The following ASIC2 variants were observed in gnomAD, a reference collection of about 807,000 sequenced individuals.
The protein encoded by ASIC2 is acid sensing ion channel subunit 2.
Under a neutral mutation model 57.3 loss-of-function variants are expected in ASIC2, and 25 were observed. The observed-to-expected ratio is 0.44, with a 90% CI of 0.32 to 0.61. The LOEUF is 0.61. Ranked by LOEUF, ASIC2 falls within the 20% of genes least tolerant of loss-of-function variation. The pLI is 0.06. For synonymous variants in ASIC2, 319 were observed against 307.5 expected (o/e 1.04, Z -0.39); for missense variants, 641 against 738.1 (o/e 0.87, Z 1.52).
rs529260640 is a variant in ASIC2 at position 34,053,225 on chromosome 17, A to C, written c.555+102753T>G. ...GCCTCTCTCTCAGGCTGGCGGCTCC[A>C]TTGTTATTATGATCGTATATTAAGT... On this transcript the variant is annotated intron_variant, in intron 1 of 9. Transcript: ENST00000359872. Among the ~76,000 whole-genome samples the C allele has an allele frequency of 6.8e-4, 103 of 152,140 alleles. 3 individuals are homozygous for C. Among genetic ancestry groups the C allele is most frequent in the African/African-American group, 2.4e-3 (99 of 41,496 alleles).
At chr17:33,256,085 TAAA>T (rs1567800675) in intron 1 of ASIC2, among the ~76,000 whole-genome samples, 1 of 152,166 alleles carries the variant, frequency 6.6e-6, no homozygotes, top group South Asian at 2.1e-4. Context: ...AGTGGTCACT[TAAA>T]AAAATACTTG....
At chr17:34,128,327 T>A (rs1313766138) in intron 1 of ASIC2, among the ~76,000 whole-genome samples, 2 of 152,138 alleles carry the variant, frequency 1.3e-5, no homozygotes, top group Admixed American at 1.3e-4. Context: ...GGACCCCAGG[T>A]GCAGGGAGCC....
chr17:33,752,557 T>C (rs1305678458), intron 1 of ASIC2, among the ~76,000 whole-genome samples: 1 of 152,240 alleles, frequency 6.6e-6, no homozygotes, highest in Non-Finnish European at 1.5e-5. Context: ...CCAATGATCT[T>C]AACAGACATC....
In ASIC2 at chr17:33,113,274, T is replaced by G. The variant is rs1397815192; in HGVS notation, c.709-1207A>C. On this transcript the variant is annotated intron_variant, in intron 1 of 9. Coordinates refer to ENST00000225823, the MANE Select transcript of ASIC2 (RefSeq NM_183377.2). Reference sequence around the variant, plus strand: ...TCTATAAAATGGGGGTTCTGGTCTTTGGCTTTGCTACCTCTCAAGGTTATT... The same window carrying G: ...TCTATAAAATGGGGGTTCTGGTCTTGGGCTTTGCTACCTCTCAAGGTTATT... Among the ~76,000 whole-genome samples the G allele has an allele frequency of 2.0e-5, 3 of 152,220 alleles. No homozygotes were observed. The East Asian group carries it at 5.8e-4, about 29-fold the overall frequency.
chr17:33,287,986 A>G (rs892823026), intron 1 of ASIC2, among the ~76,000 whole-genome samples: 19 of 152,304 alleles, frequency 1.2e-4, no homozygotes, highest in African/African-American at 4.6e-4. Flanking sequence ...AGGCTACACA[A>G]GACAACAGGG....
chr17:33,374,151 C>A (rs4131974), intron 1 of ASIC2, among the ~76,000 whole-genome samples: 44,945 of 151,712 alleles, frequency 0.3, 7,048 homozygotes, highest in East Asian at 0.67. Flanking sequence ...GCGCACCACC[C>A]AACCAAGCTA....
At chr17:33,943,653 T>C (rs1364750605) in intron 1 of ASIC2, among the ~76,000 whole-genome samples, 2 of 106,556 alleles carry the variant, frequency 1.9e-5, no homozygotes, top group Admixed American at 1.0e-4. Context: ...CGAGTGAAAA[T>C]ATAGGAGAAA....
At chr17:33,986,341 A>G (rs150379971) in intron 1 of ASIC2, among the ~76,000 whole-genome samples, 1 of 151,986 alleles carries the variant, frequency 6.6e-6, no homozygotes, top group East Asian at 1.9e-4. Flanking sequence ...TATAGTAAGC[A>G]TCATTCTCCA....
At chr17:33,719,693 C>G (rs1909329058) in intron 1 of ASIC2, among the ~76,000 whole-genome samples, 1 of 152,182 alleles carries the variant, frequency 6.6e-6, no homozygotes, top group African/African-American at 2.4e-5. Context: ...TGCAATAAGG[C>G]ACTGAGTCTT....
At chr17:33,450,331 T>C (rs1912200539) in intron 1 of ASIC2, among the ~76,000 whole-genome samples, 1 of 152,228 alleles carries the variant, frequency 6.6e-6, no homozygotes, top group Non-Finnish European at 1.5e-5. Context: ...TTTCTGGTTT[T>C]ATTTAGGTAT....
intron 1 of ASIC2, among the ~76,000 whole-genome samples, chr17:33,721,502 A>T (rs1005727211): frequency 9.2e-5 from 14 of 152,234 alleles, no homozygotes; most frequent in Non-Finnish European, 1.9e-4. Flanking sequence ...AGGTGGCCTC[A>T]TAAAATGATG....
chr17:33,635,539 G>A (rs1205075184), intron 1 of ASIC2, among the ~76,000 whole-genome samples: 1 of 152,220 alleles, frequency 6.6e-6, no homozygotes, highest in East Asian at 1.9e-4. Flanking sequence ...GTGGGAGATA[G>A]CATTTAATCT....
chr17:33,655,422 T>G (rs935063644), intron 1 of ASIC2, among the ~76,000 whole-genome samples: 2 of 152,224 alleles, frequency 1.3e-5, no homozygotes, highest in African/African-American at 4.8e-5. Context: ...CCTTCCTAGA[T>G]GTTGAAGAAT....
chr17:33,698,297 G>A (rs990613252), intron 1 of ASIC2, among the ~76,000 whole-genome samples: 4 of 152,152 alleles, frequency 2.6e-5, no homozygotes, highest in East Asian at 1.9e-4. Flanking sequence ...TACGCATCTC[G>A]GTACTTAAGA....
At chr17:34,086,295 T>TGC (rs1910110087) in intron 1 of ASIC2, among the ~76,000 whole-genome samples, 1 of 152,222 alleles carries the variant, frequency 6.6e-6, no homozygotes, top group African/African-American at 2.4e-5. Flanking sequence ...TTTCATTATG[T>TGC]ACCAAGTAGT....
chr17:33,164,284 GC>G (rs1377299181), intron 1 of ASIC2, among the ~76,000 whole-genome samples: 1 of 152,094 alleles, frequency 6.6e-6, no homozygotes, highest in African/African-American at 2.4e-5. Flanking sequence ...CTCACCTTTG[GC>G]AGAATGACAG....
chr17:33,453,364 A>C (rs751168294), intron 1 of ASIC2, among the ~76,000 whole-genome samples: 4 of 152,088 alleles, frequency 2.6e-5, no homozygotes, highest in Non-Finnish European at 4.4e-5. Flanking sequence ...TACGTTGGGA[A>C]ATATTCCTCT....
chr17:33,887,513 C>A (rs534468721), intron 1 of ASIC2, among the ~76,000 whole-genome samples: 35 of 152,256 alleles, frequency 2.3e-4, no homozygotes, highest in African/African-American at 8.2e-4. Flanking sequence ...GGACTTGTAG[C>A]TTTAAGGCAG....
At chr17:33,549,721 A>G (rs1011759620) in intron 1 of ASIC2, among the ~76,000 whole-genome samples, 1 of 152,124 alleles carries the variant, frequency 6.6e-6, no homozygotes, top group African/African-American at 2.4e-5. Context: ...TCCTTTAGGG[A>G]AATCTGTGAA....
Sources: gnomAD v4.1 joint callset for allele counts (sites outside exome capture counted in the v4.1 genomes callset) on GRCh38, gnomAD v4.1.1 for gene constraint, MANE v1.5 for transcripts, NCBI Gene and HGNC (gene_info 2026-07-23, HGNC 2026-07-21) for gene names.